Variants in RECQL observed in about 807,000 individuals in gnomAD.
RECQL encodes ATP-dependent DNA helicase Q1.
A neutral mutation model predicts 75.8 loss-of-function variants in RECQL; 73 were observed. The observed-to-expected ratio is 0.96, with a 90% CI of 0.80 to 1.17. RECQL has a LOEUF of 1.17. Ranked by LOEUF, RECQL falls within the 50% of genes most tolerant of loss-of-function variation. RECQL has a pLI of 0.00. For missense variants in RECQL, 699 were observed against 772.1 expected (o/e 0.91, Z 1.12); for synonymous variants, 248 against 254.4 (o/e 0.97, Z 0.24).
At chr12:21,493,683 C>T (rs1467017670) in intron 2 of RECQL, among the ~76,000 whole-genome samples, 1 of 152,118 alleles carries the variant, frequency 6.6e-6, no homozygotes, top group Non-Finnish European at 1.5e-5. Flanking sequence ...CCTTAAACCA[C>T]TAAATTATGC....
intron 2 of RECQL, among the ~76,000 whole-genome samples, chr12:21,498,092 T>C (rs1166198948): frequency 6.6e-6 from 1 of 152,216 alleles, no homozygotes; most frequent in Admixed American, 6.5e-5. Context: ...AAATTACTTC[T>C]GACCAAAGAA....
In RECQL at chr12:21,472,075, T is replaced by G. The variant is rs74839541; in HGVS notation, c.1448-428A>C. Among the ~76,000 whole-genome samples, 39 of 152,140 alleles carry G rather than the reference T, an allele frequency of 2.6e-4. No individual in the cohort carries two copies. In the East Asian group the frequency reaches 7.0e-3, roughly 27 times the overall value. ...ATTATTAAGAGACCAGTACTCTGAT[T>G]TATATATAACACTCTTGTTATTTTA... On this transcript the variant is annotated intron_variant, in intron 12 of 14. Transcript: ENST00000444129.
At chr12:21,497,679 T>C (rs183378735) in intron 2 of RECQL, among the ~76,000 whole-genome samples, 9 of 152,286 alleles carry the variant, frequency 5.9e-5, no homozygotes, top group Admixed American at 5.9e-4. Flanking sequence ...TAAAAACAAC[T>C]TCGACAAAGT....
intron 2 of RECQL, 81 bp from the exon 3 acceptor site, chr12:21,491,797 C>T: frequency 2.4e-6 from 3 of 1,250,456 alleles, no homozygotes; most frequent in South Asian, 3.0e-5. Context: ...TGGGTGTTGC[C>T]CGCCATATCA....
chr12:21,496,387 A>T (rs781496819), intron 2 of RECQL, among the ~76,000 whole-genome samples: 1 of 152,388 alleles, frequency 6.6e-6, no homozygotes, highest in Admixed American at 6.5e-5. Flanking sequence ...ATAGGGGAAT[A>T]GTATAGCACA....
intron 8 of RECQL, 85 bp downstream of exon 8, chr12:21,476,826 A>C: frequency 1.4e-6 from 1 of 705,480 alleles, no homozygotes; most frequent in South Asian, 2.6e-5. Flanking sequence ...GGTGTTATTC[A>C]GTTATCAGTA....
Position 21,471,179 on chromosome 12 carries a change from C to T in RECQL, c.1668-81G>A, listed in dbSNP as rs74067192. On this transcript the variant is annotated intron_variant, in intron 13 of 14. Transcript: ENST00000444129. ...AATTTATAAAAGAAATAACTATATG[C>T]GCAGTAATTCTTAACACATTGACTT... 4.3e-3 allele frequency: 5,651 copies of T among 1,311,122 alleles called. 86 individuals are homozygous for T. In the African/African-American group the frequency reaches 0.047, roughly 11 times the overall value. 81.2% of individuals were successfully genotyped at this position (1,311,122 alleles called of 1,614,324 possible). A position where few individuals can be genotyped will look rare whatever the true frequency, so the allele number is the denominator to read the frequency against.
chr12:21,473,069 C>A (rs1268023457), intron 12 of RECQL, among the ~76,000 whole-genome samples: 3 of 152,094 alleles, frequency 2.0e-5, no homozygotes, highest in Admixed American at 6.6e-5. Flanking sequence ...TCTGGAAAAT[C>A]TGATTCACAC....
chr12:21,500,476 C>A (rs923886011), intron 1 of RECQL, among the ~76,000 whole-genome samples: 1 of 152,192 alleles, frequency 6.6e-6, no homozygotes, highest in African/African-American at 2.4e-5. Context: ...GCTGACCTTA[C>A]GCCCTTTCTA....
At chr12:21,488,564 T>A (rs1307167729) in intron 4 of RECQL, among the ~76,000 whole-genome samples, 1 of 152,150 alleles carries the variant, frequency 6.6e-6, no homozygotes, top group East Asian at 1.9e-4. Context: ...ATTCAACATG[T>A]CCCAAATAAA....
chr12:21,501,292 C>T lies in RECQL; in HGVS notation c.-168G>A, dbSNP rs1255903226. On this transcript the variant is annotated 5_prime_UTR_variant, in exon 1 of 15. Coordinates refer to ENST00000444129, the MANE Select transcript of RECQL (RefSeq NM_002907.4). ...CCCCTAAAGGCCCGAGTTCTCAGAG[C>T]AGGGCAGTGATTAACTTTCCGGTTT... The T allele has an allele frequency of 6.6e-6, 1 of 152,308 alleles. No homozygotes were observed. Among genetic ancestry groups the T allele is most frequent in the Non-Finnish European group, 1.5e-5 (1 of 68,116 alleles). 9.4% of individuals were successfully genotyped at this position (152,308 alleles called of 1,614,324 possible). A position where few individuals can be genotyped will look rare whatever the true frequency, so the allele number is the denominator to read the frequency against.
At chr12:21,472,099 T>C (rs1167084583) in intron 12 of RECQL, among the ~76,000 whole-genome samples, 1 of 152,120 alleles carries the variant, frequency 6.6e-6, no homozygotes, top group Admixed American at 6.6e-5. Flanking sequence ...CTTGTTATTT[T>C]ATAAGATAGT....
intron 1 of RECQL, 22 bp from the exon 2 acceptor site, chr12:21,499,637 T>C: frequency 9.9e-6 from 13 of 1,308,686 alleles, no homozygotes; most frequent in Non-Finnish European, 1.4e-5. Context: ...AGCACAACAG[T>C]GACAACAAGT....
chr12:21,484,752 T>TATA (rs1943257272), intron 5 of RECQL, among the ~76,000 whole-genome samples: 1 of 131,360 alleles, frequency 7.6e-6, no homozygotes, highest in Non-Finnish European at 1.7e-5. Flanking sequence ...TATATACATA[T>TATA]TGATATATAT....
intron 2 of RECQL, among the ~76,000 whole-genome samples, chr12:21,495,423 C>T (rs1437776533): frequency 3.3e-5 from 5 of 152,010 alleles, no homozygotes; most frequent in Non-Finnish European, 2.9e-5. Flanking sequence ...GGTGAAACCC[C>T]GTCTCTACTA....
rs1161233094 is a variant in RECQL, at chr12:21,471,412, A to C, written c.1667+16T>G. 1.3e-6 allele frequency: 2 copies of C among 1,585,786 alleles called. No homozygotes were observed. The highest frequency in any genetic ancestry group is 1.7e-6 in the Non-Finnish European group (2 of 1,162,844). On this transcript the variant is annotated intron_variant, in intron 13 of 14. Coordinates refer to ENST00000444129, the MANE Select transcript of RECQL (RefSeq NM_002907.4). ...TAAAGACAACCTGAAAGAATAATGA[A>C]TGAGTTTGTACATACTTAAGATACT...
At chr12:21,487,290 C>A (rs554797422) in intron 4 of RECQL, among the ~76,000 whole-genome samples, 33 of 152,190 alleles carry the variant, frequency 2.2e-4, no homozygotes, top group Non-Finnish European at 3.4e-4. Context: ...TCCAAAAAAA[C>A]CAGATTTTTA....
chr12:21,486,659 T>TTTACC, intron 4 of RECQL, 74 bp from the exon 5 acceptor site: 1 of 143,908 alleles, frequency 6.9e-6, no homozygotes. Context: ...CCATTCACGT[T>TTTACC]TTTTTTTTTT....
Position 21,471,116 on chromosome 12 carries a change from C to A in RECQL, c.1668-18G>T. 1.3e-6 allele frequency: 2 copies of A among 1,547,860 alleles called. No individual in the cohort carries two copies. Among genetic ancestry groups the A allele is most frequent in the Non-Finnish European group, 1.7e-6 (2 of 1,157,082 alleles). On this transcript the variant is annotated intron_variant, in intron 13 of 14. Transcript: ENST00000444129. Reference sequence around the variant, plus strand: ...AGTCTTCTCTGCAGAAAATAAAGGCCAACAATAAGAAAGCTTTTGAAGGAA... The same window carrying A: ...AGTCTTCTCTGCAGAAAATAAAGGCAAACAATAAGAAAGCTTTTGAAGGAA...
Sources: gnomAD v4.1 joint callset for allele counts (sites outside exome capture counted in the v4.1 genomes callset) on GRCh38, gnomAD v4.1.1 for gene constraint, MANE v1.5 for transcripts, NCBI Gene and HGNC (gene_info 2026-07-23, HGNC 2026-07-21) for gene names.